Variants in CES1 observed in about 807,000 individuals in gnomAD.
CES1 encodes the protein liver carboxylesterase 1.
Under a neutral mutation model 53.0 loss-of-function variants are expected in CES1, and 50 were observed. That is an observed-to-expected ratio of 0.94 (90% confidence interval 0.75 to 1.19). CES1 has a LOEUF of 1.19. Ranked by LOEUF, CES1 falls within the 50% of genes most tolerant of loss-of-function variation. The pLI is 0.00. For synonymous variants in CES1, 202 were observed against 210.1 expected (o/e 0.96, Z 0.33); for missense variants, 534 against 538.0 (o/e 0.99, Z 0.07).
intron 1 of CES1, among the ~76,000 whole-genome samples, chr16:55,831,733 C>A (rs2032684081): frequency 6.7e-6 from 1 of 149,784 alleles, no homozygotes; most frequent in African/African-American, 2.4e-5. Flanking sequence ...AGTTCCAGAG[C>A]TCTCGCAGTG....
chr16:55,819,451 CTG>C, intron 7 of CES1, 82 bp downstream of exon 7: 1 of 996,918 alleles, frequency 1.0e-6, no homozygotes, highest in Non-Finnish European at 1.6e-6. Flanking sequence ...TCCCAGGAAA[CTG>C]TCCCTGGGCA....
chr16:55,829,545 G>C (rs2032559318), intron 1 of CES1, among the ~76,000 whole-genome samples: 1 of 152,240 alleles, frequency 6.6e-6, no homozygotes, highest in African/African-American at 2.4e-5. Flanking sequence ...ATGAGAAGCA[G>C]AGAGTGGTAC....
At chr16:55,830,807 A>AAGGAAGGAAGGAAGGAAGGAAGGG (rs1567509439) in intron 1 of CES1, among the ~76,000 whole-genome samples, 4 of 145,222 alleles carry the variant, frequency 2.8e-5, no homozygotes, top group African/African-American at 1.0e-4. Flanking sequence ...GGAAGGAAGG[A>AAGGAAGGAAGGAAGGAAGGAAGGG]AGGAAGGAAG....
intron 7 of CES1, among the ~76,000 whole-genome samples, chr16:55,818,856 G>A (rs2032056763): frequency 6.6e-6 from 1 of 151,982 alleles, no homozygotes; most frequent in Admixed American, 6.6e-5. Context: ...GGCGATAATT[G>A]GATTGTTGAT....
At chr16:55,820,631 G>T (rs1417594237) in intron 5 of CES1, 152 bp from the exon 6 acceptor site, 6 of 1,348,438 alleles carry the variant, frequency 4.4e-6, no homozygotes, top group South Asian at 1.2e-5. Flanking sequence ...TCAAGGAGGT[G>T]GAAGTCTTCC....
chr16:55,820,534 T>C (rs1230843119), intron 5 of CES1, 55 bp from the exon 6 acceptor site: 2 of 1,610,382 alleles, frequency 1.2e-6, no homozygotes, highest in Non-Finnish European at 1.7e-6. Flanking sequence ...GGTCAGTGAC[T>C]CACTCGCTAT....
At chr16:55,822,634 G>T (rs2032245103) in intron 4 of CES1, among the ~76,000 whole-genome samples, 1 of 152,092 alleles carries the variant, frequency 6.6e-6, no homozygotes, top group Admixed American at 6.5e-5. Context: ...GGCTTCAAAG[G>T]TGAGGTGGGC....
At chr16:55,820,219 T>C in intron 6 of CES1, 153 bp downstream of exon 6, 1 of 608,302 alleles carries the variant, frequency 1.6e-6, no homozygotes, top group Non-Finnish European at 2.9e-6. Context: ...GATCAAGGTG[T>C]CTCCTCGCCC....
chr16:55,813,685 T>C (rs2031804536), intron 8 of CES1, among the ~76,000 whole-genome samples: 2 of 152,180 alleles, frequency 1.3e-5, no homozygotes, highest in South Asian at 4.1e-4. Flanking sequence ...CTGCAGCTCC[T>C]GCCTCATCCA....
At chr16:55,823,424 G>A (rs544713988) in intron 4 of CES1, 126 bp downstream of exon 4, 11 of 1,108,612 alleles carry the variant, frequency 9.9e-6, no homozygotes, top group African/African-American at 1.6e-5. Context: ...GTCCAATTAC[G>A]AAGGGGCTTG....
At chr16:55,809,475 A>G (rs1215329425) in intron 11 of CES1, among the ~76,000 whole-genome samples, 3 of 152,250 alleles carry the variant, frequency 2.0e-5, no homozygotes. Context: ...GAGAGCTGGA[A>G]GAAAAGGAAT....
Position 55,828,865 on chromosome 16 carries a change from G to C in CES1, c.162C>G (p.Ile54Met). The C allele has an allele frequency of 6.2e-7, 1 of 1,614,268 alleles. No homozygotes were observed. The change falls in exon 2 of 14, where the codon ATC becomes ATG. Residue 54 changes from isoleucine (I) to methionine (M), a missense_variant. By Grantham distance (10) the Ile-to-Met change is conservative (BLOSUM62 1). Around this residue, in one of 5 missense-constraint regions of CES1, gnomAD observed 164 missense variants for 162.4 expected, o/e 1.01. Transcript: ENST00000360526. Reference sequence around the variant, plus strand: ...GTCCAAGAGGCGGCTTGGCAAAAGGGATTCCCAGGAAAATGGCCACAGGCT... The same window carrying C: ...GTCCAAGAGGCGGCTTGGCAAAAGGCATTCCCAGGAAAATGGCCACAGGCT... ...FAQPVAIFLG[I>M]PFAKPPLGPL...
intron 9 of CES1, chr16:55,812,522 C>T (rs1249255059): frequency 2.7e-5 from 9 of 337,238 alleles, no homozygotes; most frequent in Admixed American, 4.0e-5. Context: ...AGGGGAATTA[C>T]GCACACCCAG....
Position 55,812,968 on chromosome 16 carries a change from T to A in CES1, c.1021A>T (p.Asn341Tyr). 6.2e-7 allele frequency: 1 copy of A among 1,614,054 alleles called. No homozygotes were observed. The highest frequency in any genetic ancestry group is 1.1e-5 in the South Asian group (1 of 91,082). ...ACCATGTAGGGGACAGTGTGGAAAT[T>A]CCTTTCAGCTTGAAGCTCTTCAGGT... ...KTPEELQAER[N>Y]FHTVPYMVGI... Residue 341 changes from asparagine (N) to tyrosine (Y), a missense_variant, in exon 9 of 14, where the codon AAT becomes TAT. By Grantham distance (143) the Asn-to-Tyr change is moderately radical. Around this residue, in one of 5 missense-constraint regions of CES1, gnomAD observed 269 missense variants for 206.6 expected, o/e 1.30. Transcript: ENST00000360526.
rs776903994 is a variant in CES1, at chr16:55,810,597, T to G, written c.1238A>C (p.Lys413Thr). 1 of 1,614,188 alleles carries G rather than the reference T, an allele frequency of 6.2e-7. No homozygotes were observed. The highest frequency in any genetic ancestry group is 1.1e-5 in the South Asian group (1 of 91,086). The stretch of plus-strand genomic sequence containing the variant: ...CAAGTCCAGGAACAGGTCTTTCTTT[T>G]TGACAGTGTCGTCTGTTCCTCCTAA... The part of the protein sequence containing the change: ...KYLGGTDDTV[K>T]KKDLFLDLIA... The change falls in exon 11 of 14, where the codon AAA becomes ACA. Residue 413 changes from lysine to threonine, a missense_variant. This residue lies in a region of CES1 where 269 missense variants were observed against 206.6 expected (regional missense o/e 1.30). Coordinates refer to ENST00000360526, the MANE Select transcript of CES1 (RefSeq NM_001025195.2).
At chr16:55,821,233 T>A in intron 5 of CES1, 135 bp downstream of exon 5, 2 of 1,185,080 alleles carry the variant, frequency 1.7e-6, no homozygotes, top group East Asian at 4.7e-5. Flanking sequence ...CCCCTGATGC[T>A]GGGCTGTGAG....
intron 8 of CES1, among the ~76,000 whole-genome samples, chr16:55,815,264 A>G (rs1431704746): frequency 6.6e-6 from 1 of 152,202 alleles, no homozygotes; most frequent in East Asian, 1.9e-4. Flanking sequence ...TGTGTTTTGA[A>G]GGACTAACTC....
At chr16:55,826,076 C>A in intron 3 of CES1, 75 bp downstream of exon 3, 1 of 1,595,390 alleles carries the variant, frequency 6.3e-7, no homozygotes, top group Non-Finnish European at 8.6e-7. Context: ...GCTGCCTTCA[C>A]TCCCTTCCAT....
intron 2 of CES1, 67 bp downstream of exon 2, chr16:55,828,700 G>C: frequency 7.0e-6 from 11 of 1,582,650 alleles, no homozygotes; most frequent in Non-Finnish European, 9.5e-6. Context: ...CCCGTCAGGG[G>C]ACTGCCTTGA....
Sources: gnomAD v4.1 joint callset for allele counts (sites outside exome capture counted in the v4.1 genomes callset) on GRCh38, gnomAD v4.1.1 for gene constraint, gnomAD v4.1.1 regional missense constraint, MANE v1.5 for transcripts, NCBI Gene and HGNC (gene_info 2026-07-23, HGNC 2026-07-21) for gene names.